ALK: variants seen among roughly 807,000 people sequenced by gnomAD.
ALK encodes the protein ALK receptor tyrosine kinase, also known as ALK tyrosine kinase receptor.
A neutral mutation model predicts 163.1 loss-of-function variants in ALK; 74 were observed. That is an observed-to-expected ratio of 0.45 (90% CI 0.38 to 0.55). The LOEUF (loss-of-function observed/expected upper bound fraction) is 0.55. Among genes scored for constraint, ALK ranks in the 20% least tolerant of loss-of-function variants. The pLI, the probability that ALK is intolerant of heterozygous loss-of-function variation, is 0.00. For synonymous variants in ALK, 960 were observed against 843.2 expected (o/e 1.14, Z -2.40); for missense variants, 2,063 against 2,105.3 (o/e 0.98, Z 0.39).
rs1447260360 is a variant in ALK, at chr2:29,717,679, G to A, written c.686C>T (p.Ser229Leu). 1.2e-6 allele frequency: 2 copies of A among 1,614,022 alleles called. No individual in the cohort carries two copies. The highest frequency in any genetic ancestry group is 1.1e-5 in the South Asian group (1 of 91,082). ...IFGTGHSSLE[S>L]PTNMPSPSPD... ...AGAAGGAGAAGGCATGTTTGTTGGTGATTCCAAGGAGCTATGACCTGGACA... is the reference window on the plus strand; with the variant it reads ...AGAAGGAGAAGGCATGTTTGTTGGTAATTCCAAGGAGCTATGACCTGGACA... Residue 229 changes from serine to leucine, a missense_variant, in exon 2 of 29, where the codon TCA becomes TTA. Physicochemically the swap from Ser to Leu is moderately radical, Grantham distance 145. Transcript: ENST00000389048.
chr2:29,702,374 G>T (rs930367308), intron 2 of ALK, among the ~76,000 whole-genome samples: 3 of 152,196 alleles, frequency 2.0e-5, no homozygotes, highest in African/African-American at 7.2e-5. Context: ...GCAGGGCAAA[G>T]CTGGGGGCAG....
At chr2:29,804,028 T>TCCATTGTTTTTCAATGA (rs1283912155) in intron 1 of ALK, among the ~76,000 whole-genome samples, 1 of 152,164 alleles carries the variant, frequency 6.6e-6, no homozygotes, top group Non-Finnish European at 1.5e-5. Flanking sequence ...AAAGACCAAG[T>TCCATTGTTTTTCAATGA]CAATTGTTTT....
intron 2 of ALK, among the ~76,000 whole-genome samples, chr2:29,699,434 C>T (rs1359247251): frequency 6.6e-6 from 1 of 152,208 alleles, no homozygotes; most frequent in African/African-American, 2.4e-5. Flanking sequence ...AGAGAGTGAC[C>T]TAGAACTGGA....
At chr2:29,476,605 C>T (rs534649510) in intron 4 of ALK, among the ~76,000 whole-genome samples, 3 of 152,074 alleles carry the variant, frequency 2.0e-5, no homozygotes, top group Admixed American at 2.0e-4. Flanking sequence ...GAGTGAGTAG[C>T]CCTGAGACCC....
chr2:29,845,440 AT>A (rs60356489), intron 1 of ALK, among the ~76,000 whole-genome samples: 137,661 of 150,992 alleles, frequency 0.91, 62,861 homozygotes, highest in East Asian at 1. Flanking sequence ...CTTTAACGAC[AT>A]TTTTTTTTTT....
At chr2:29,606,897 T>C (rs2148218523) in intron 3 of ALK, among the ~76,000 whole-genome samples, 1 of 152,274 alleles carries the variant, frequency 6.6e-6, no homozygotes, top group Middle Eastern at 3.4e-3. Context: ...GTGGGAAAAA[T>C]CCTCACACTA....
chr2:29,486,178 T>C (rs1267177528), intron 4 of ALK, among the ~76,000 whole-genome samples: 1 of 152,186 alleles, frequency 6.6e-6, no homozygotes, highest in Non-Finnish European at 1.5e-5. Context: ...GTGCAAAATA[T>C]ACCATCTTGC....
chr2:29,216,943 G>GGTGTGTGTC (rs1467898177), intron 23 of ALK, among the ~76,000 whole-genome samples: 80 of 35,930 alleles, frequency 2.2e-3, no homozygotes, highest in African/African-American at 4.0e-3. Context: ...GGGTGTGTGT[G>GGTGTGTGTC]TGGCATGTGA....
At chr2:29,468,658 G>T (rs1235318172) in intron 4 of ALK, among the ~76,000 whole-genome samples, 1 of 151,692 alleles carries the variant, frequency 6.6e-6, no homozygotes, top group South Asian at 2.1e-4. Flanking sequence ...GGACCAGACT[G>T]GCCAAAATAG....
intron 1 of ALK, among the ~76,000 whole-genome samples, chr2:29,833,281 G>A (rs372642901): frequency 3.3e-5 from 5 of 152,148 alleles, no homozygotes; most frequent in African/African-American, 7.2e-5. Flanking sequence ...CACCCCTCAC[G>A]GCACCTGTGC....
chr2:29,522,711 ACC>A (rs1672847141), intron 4 of ALK, among the ~76,000 whole-genome samples: 1 of 151,560 alleles, frequency 6.6e-6, no homozygotes, highest in Admixed American at 6.6e-5. Context: ...TCCACAAAGA[ACC>A]CCCACCCCAT....
chr2:29,380,440 C>T (rs548153922), intron 5 of ALK, among the ~76,000 whole-genome samples: 28 of 151,350 alleles, frequency 1.9e-4, no homozygotes, highest in African/African-American at 2.2e-4. Context: ...TCTTTTGAGA[C>T]GGAGTTTCAC....
intron 4 of ALK, among the ~76,000 whole-genome samples, chr2:29,422,622 G>GT (rs769402881): frequency 6.6e-6 from 1 of 151,898 alleles, no homozygotes; most frequent in African/African-American, 2.4e-5. Context: ...TTTTTGTTTA[G>GT]TTTTTTTTCT....
chr2:29,715,171 T>A (rs971058776), intron 2 of ALK, among the ~76,000 whole-genome samples: 1 of 152,222 alleles, frequency 6.6e-6, no homozygotes, highest in African/African-American at 2.4e-5. Flanking sequence ...GAATTAAATA[T>A]GGCAGAAAGA....
chr2:29,240,485 G>C (rs1664496767), intron 12 of ALK, among the ~76,000 whole-genome samples: 1 of 152,066 alleles, frequency 6.6e-6, no homozygotes, highest in African/African-American at 2.4e-5. Context: ...TAATTGACTT[G>C]GTACAAAGTT....
At chr2:29,390,342 C>T (rs1483665361) in intron 4 of ALK, among the ~76,000 whole-genome samples, 1 of 152,094 alleles carries the variant, frequency 6.6e-6, no homozygotes, top group Non-Finnish European at 1.5e-5. Context: ...ACAAAAGCCA[C>T]ATAAACTAGA....
intron 1 of ALK, among the ~76,000 whole-genome samples, chr2:29,904,895 C>A (rs991857179): frequency 3.9e-5 from 6 of 152,216 alleles, no homozygotes; most frequent in Admixed American, 2.0e-4. Context: ...TAGAGAATTA[C>A]ACTCTGTCTG....
At chr2:29,358,369 G>A (rs192853120) in intron 5 of ALK, among the ~76,000 whole-genome samples, 227 of 152,290 alleles carry the variant, frequency 1.5e-3, no homozygotes, top group Middle Eastern at 3.4e-3. Flanking sequence ...TAGCTGAAAA[G>A]TAAAGATGGA....
At chr2:29,900,914 C>T (rs1013992255) in intron 1 of ALK, among the ~76,000 whole-genome samples, 1 of 152,060 alleles carries the variant, frequency 6.6e-6, no homozygotes, top group Non-Finnish European at 1.5e-5. Context: ...ATGAGAGCCA[C>T]TCGATTTTCA....
Sources: allele counts gnomAD v4.1 joint callset (sites outside exome capture counted in the v4.1 genomes callset), GRCh38; gene constraint gnomAD v4.1.1; transcripts MANE v1.5; gene names NCBI Gene and HGNC (gene_info 2026-07-23, HGNC 2026-07-21).